COL21A1: variants seen among roughly 807,000 people sequenced by gnomAD.
The protein encoded by COL21A1 is collagen alpha-1(XXI) chain.
COL21A1 carries 149 observed loss-of-function variants against 137.9 expected under a neutral mutation model. The observed-to-expected ratio is 1.08, with a 90% confidence interval of 0.95 to 1.24. The LOEUF is 1.24. Ranked by LOEUF, COL21A1 falls within the 50% of genes most tolerant of loss-of-function variation. The pLI, the probability that COL21A1 is intolerant of heterozygous loss-of-function variation, is 0.00. For missense variants in COL21A1, 1,167 were observed against 1,158.4 expected, an observed-to-expected ratio of 1.01 and a Z score of -0.11; for synonymous variants, 456 against 391.5, an observed-to-expected ratio of 1.16 and a Z score of -1.95.
intron 1 of COL21A1, among the ~76,000 whole-genome samples, chr6:56,193,162 G>A (rs920560371): frequency 2.6e-5 from 4 of 152,106 alleles, no homozygotes; most frequent in African/African-American, 7.2e-5. Flanking sequence ...ACCAGGGCCT[G>A]TCAGGGGGTG....
chr6:56,277,123 T>TCA (rs1763684969), intron 1 of COL21A1, among the ~76,000 whole-genome samples: 2 of 152,056 alleles, frequency 1.3e-5, no homozygotes, highest in African/African-American at 4.8e-5. Context: ...CCCAGCCGGT[T>TCA]GTTCAGTAAG....
rs1765400924 is a variant in COL21A1, at chr6:56,057,044, A to G, written c.*613T>C. The G allele has an allele frequency of 6.6e-6, 1 of 152,358 alleles. No homozygotes were observed. The highest frequency in any genetic ancestry group is 2.1e-4 in the South Asian group (1 of 4,830). The allele number at this position is 152,358 out of a possible 1,614,324, so 9.4% of individuals were successfully genotyped here. A position where few individuals can be genotyped will look rare whatever the true frequency, so the allele number is the denominator to read the frequency against. ...AATACTCTTTCTTAGCACCACCATTAATCTAATTTTAGAGTTTGAAATGAA... is the reference window on the plus strand; with the variant it reads ...AATACTCTTTCTTAGCACCACCATTGATCTAATTTTAGAGTTTGAAATGAA... On this transcript the variant is annotated 3_prime_UTR_variant, in exon 30 of 30. Coordinates refer to ENST00000244728, the MANE Select transcript of COL21A1 (RefSeq NM_030820.4).
At chr6:56,149,642 T>G (rs1316782704) in intron 10 of COL21A1, among the ~76,000 whole-genome samples, 1 of 152,206 alleles carries the variant, frequency 6.6e-6, no homozygotes, top group Non-Finnish European at 1.5e-5. Context: ...TTCTATCTCC[T>G]CCATTCTCCC....
intron 16 of COL21A1, among the ~76,000 whole-genome samples, chr6:56,105,122 T>G (rs1435858756): frequency 1.3e-5 from 2 of 152,132 alleles, no homozygotes; most frequent in Non-Finnish European, 2.9e-5. Flanking sequence ...AGACAGGACA[T>G]TTGGAAGGTA....
chr6:56,150,334 C>T (rs918290016), intron 10 of COL21A1, among the ~76,000 whole-genome samples: 1 of 151,838 alleles, frequency 6.6e-6, no homozygotes, highest in Non-Finnish European at 1.5e-5. Flanking sequence ...CTAGCTAACA[C>T]GGTGAAACCC....
At chr6:56,163,063 GA>G (rs1414154901) in intron 9 of COL21A1, among the ~76,000 whole-genome samples, 21 of 152,084 alleles carry the variant, frequency 1.4e-4, no homozygotes, top group Non-Finnish European at 2.6e-4. Context: ...GGTTAGGCCT[GA>G]AAATGAATAG....
intron 10 of COL21A1, among the ~76,000 whole-genome samples, chr6:56,143,392 G>C (rs531693973): frequency 6.6e-6 from 1 of 151,626 alleles, no homozygotes; most frequent in South Asian, 2.1e-4. Flanking sequence ...AGTAGAGATG[G>C]GGTTTCACCA....
chr6:56,276,974 ATTTATT>A (rs60178322), intron 1 of COL21A1, among the ~76,000 whole-genome samples: 72,979 of 147,230 alleles, frequency 0.5, 19,194 homozygotes, highest in East Asian at 0.85. Flanking sequence ...CGCCTGGCTA[ATTTATT>A]TTTATTTTTA....
chr6:56,259,798 C>A lies in COL21A1; in HGVS notation c.-38-77142G>T, dbSNP rs199769320. Among the ~76,000 whole-genome samples the A allele has an allele frequency of 2.6e-4, 40 of 152,308 alleles. No homozygotes were observed. The East Asian group carries it at 3.5e-3, about 13-fold the overall frequency. On this transcript the variant is annotated intron_variant, in intron 1 of 28. Transcript: ENST00000370819. ...CTACAGTCAGTCTGCAAAGGACATA[C>A]AATATTGCTGCTACTTAGGATAATT...
rs571985613 is a variant in COL21A1 at position 56,180,725 on chromosome 6, A to G, written c.89-596T>C. Among the ~76,000 whole-genome samples, 11 of 152,372 alleles carry G rather than the reference A, an allele frequency of 7.2e-5. No homozygotes were observed. In the South Asian group the frequency reaches 1.7e-3, roughly 23 times the overall value. ...CCTGTTACAAATGCTAACATGCTAA[A>G]TGTAAAACAAAGCATGAATATAAAA... On this transcript the variant is annotated intron_variant, in intron 2 of 29. Transcript: ENST00000244728.
chr6:56,392,388 T>A (rs1001679375), intron 1 of COL21A1, among the ~76,000 whole-genome samples: 4 of 152,144 alleles, frequency 2.6e-5, no homozygotes, highest in Admixed American at 2.6e-4. Context: ...GCTAGTATCA[T>A]ATCGAAGGGG....
chr6:56,093,058 C>CT (rs1418709598), intron 17 of COL21A1, among the ~76,000 whole-genome samples: 1 of 152,138 alleles, frequency 6.6e-6, no homozygotes, highest in Non-Finnish European at 1.5e-5. Context: ...TACAAGGACA[C>CT]TAGTGTGACA....
chr6:56,246,322 T>C (rs1277624430), intron 1 of COL21A1, among the ~76,000 whole-genome samples: 1 of 152,236 alleles, frequency 6.6e-6, no homozygotes, highest in Non-Finnish European at 1.5e-5. Context: ...AAGACTCATG[T>C]ATATTTCTTC....
chr6:56,387,292 T>C (rs2094019909), intron 1 of COL21A1, among the ~76,000 whole-genome samples: 1 of 152,206 alleles, frequency 6.6e-6, no homozygotes, highest in Non-Finnish European at 1.5e-5. Context: ...CAGGGATTTA[T>C]CATGCTGTTT....
chr6:56,103,849 T>TCA (rs1770655930), intron 16 of COL21A1, among the ~76,000 whole-genome samples: 1 of 152,172 alleles, frequency 6.6e-6, no homozygotes, highest in Admixed American at 6.5e-5. Context: ...GTTCCTGATA[T>TCA]GGTAGGTCTG....
intron 1 of COL21A1, among the ~76,000 whole-genome samples, chr6:56,361,075 C>T (rs561671311): frequency 7.2e-5 from 11 of 151,956 alleles, no homozygotes; most frequent in South Asian, 4.1e-4. Flanking sequence ...GCCTTAGTGA[C>T]AGAGCAAGAC....
chr6:56,190,273 C>T (rs1778574168), intron 1 of COL21A1, among the ~76,000 whole-genome samples: 1 of 152,158 alleles, frequency 6.6e-6, no homozygotes, highest in Admixed American at 6.5e-5. Context: ...CCACTGATCT[C>T]ACAGAAATAC....
chr6:56,270,208 T>C (rs1248521133), intron 1 of COL21A1, among the ~76,000 whole-genome samples: 7 of 152,170 alleles, frequency 4.6e-5, no homozygotes, highest in Non-Finnish European at 1.0e-4. Flanking sequence ...ACAGGCTCAA[T>C]GTAAATAGAG....
At chr6:56,060,565 AAG>A (rs1455525356) in intron 27 of COL21A1, 174 bp downstream of exon 27, 2 of 508,566 alleles carry the variant, frequency 3.9e-6, no homozygotes, top group African/African-American at 4.0e-5. Context: ...AAGATTATAA[AAG>A]AGTATATATG....
Sources: allele counts gnomAD v4.1 joint callset (sites outside exome capture counted in the v4.1 genomes callset), GRCh38; gene constraint gnomAD v4.1.1; transcripts MANE v1.5; gene names NCBI Gene and HGNC (gene_info 2026-07-23, HGNC 2026-07-21).